KCNA5: variants seen among roughly 807,000 people sequenced by gnomAD.
KCNA5 encodes cardiac potassium channel.
A neutral mutation model predicts 26.5 loss-of-function variants in KCNA5; 22 were observed. The ratio of observed to expected loss-of-function variants is 0.83; its 90% CI spans 0.59 to 1.18. KCNA5 has a LOEUF of 1.18. Among genes scored for constraint, KCNA5 ranks in the 50% most tolerant of loss-of-function variants. The probability of loss-of-function intolerance (pLI) is 0.00; values close to 1 mark genes in which losing one functional copy is unlikely to be tolerated. For missense variants in KCNA5, 916 were observed against 843.2 expected, an observed-to-expected ratio of 1.09 and a Z score of -1.07; for synonymous variants, 465 against 372.8, an observed-to-expected ratio of 1.25 and a Z score of -2.85.
Position 5,044,824 on chromosome 12 carries a change from C to A in KCNA5, c.677C>A (p.Pro226His). The A allele has an allele frequency of 6.2e-7, 1 of 1,614,078 alleles. No individual in the cohort carries two copies. The highest frequency in any genetic ancestry group is 1.1e-5 in the South Asian group (1 of 91,078). The change falls in exon 1 of 1, where the codon CCC becomes CAC. Residue 226 changes from proline (P) to histidine (H), a missense_variant. Pro to His is a moderately conservative substitution (Grantham distance 77, BLOSUM62 -2). Transcript: ENST00000252321. ...DEGFIKEEEK[P>H]LPRNEFQRQV... ...GGCTTCATTAAAGAAGAGGAGAAGC[C>A]CCTGCCCCGCAACGAGTTCCAGCGC...
rs12720443 is a variant in KCNA5 at position 5,044,762 on chromosome 12, G to C, written c.615G>C (p.Leu205=). ...CGGACGAGATACGCTTCTACCAGCT[G>C]GGGGACGAGGCCATGGAGCGCTTCC... ...VFADEIRFYQ[L]GDEAMERFRE... is the part of the protein sequence containing the mutation. Residue 205 remains leucine (L), a synonymous_variant, in exon 1 of 1, where the codon CTG becomes CTC. Coordinates refer to ENST00000252321, the MANE Select transcript of KCNA5 (RefSeq NM_002234.4). The C allele has an allele frequency of 8.3e-4, 1,344 of 1,614,162 alleles. 10 individuals carry two copies. The African/African-American group carries it at 0.015, about 18-fold the overall frequency.
rs1316590076 is a variant in KCNA5, at chr12:5,043,910, GA to G, written c.-236del. 2 of 566,192 alleles carry G rather than the reference GA, an allele frequency of 3.5e-6. No individual in the cohort carries two copies. Among genetic ancestry groups the G allele is most frequent in the African/African-American group, 3.9e-5 (2 of 51,002 alleles). The allele number at this position is 566,192 out of a possible 1,614,324, so 35.1% of individuals were successfully genotyped here. A position where few individuals can be genotyped will look rare whatever the true frequency, so the allele number is the denominator to read the frequency against. On this transcript the variant is annotated 5_prime_UTR_variant, in exon 1 of 1. Coordinates refer to ENST00000252321, the MANE Select transcript of KCNA5 (RefSeq NM_002234.4). ...GGGCGGCTGAAGGTTGCATCTGCTG[GA>G]AGGAGGCTTTTCGGCTGCTTGGTAA...
In KCNA5 at chr12:5,044,995, G is replaced by C; in HGVS notation, c.848G>C (p.Arg283Pro). The C allele has an allele frequency of 6.2e-7, 1 of 1,612,778 alleles. No individual in the cohort carries two copies. The highest frequency in any genetic ancestry group is 2.2e-5 in the East Asian group (1 of 44,776). ...PEFRDERELL[R>P]HPPAPHQPPA... ...TTCAGGGATGAACGTGAGCTGCTCC[G>C]CCACCCTCCGGCGCCCCACCAGCCT... is the stretch of plus-strand genomic sequence containing the variant. Residue 283 changes from arginine (R) to proline (P), a missense_variant, in exon 1 of 1, where the codon CGC (arginine) becomes CCC (proline). By Grantham distance (103) the Arg-to-Pro change is moderately radical. Coordinates refer to ENST00000252321, the MANE Select transcript of KCNA5 (RefSeq NM_002234.4).
chr12:5,045,902 G>A lies in KCNA5; in HGVS notation c.1755G>A (p.Lys585=). 1.9e-6 allele frequency: 3 copies of A among 1,614,040 alleles called. No homozygotes were observed. The highest frequency in any genetic ancestry group is 2.5e-6 in the Non-Finnish European group (3 of 1,180,042). The change falls in exon 1 of 1, where the codon AAG becomes AAA. Residue 585 remains lysine (K), a synonymous_variant. Coordinates refer to ENST00000252321, the MANE Select transcript of KCNA5 (RefSeq NM_002234.4). This position sits in a 1 kb window ranked among gnomAD's most constrained non-coding sequence, Gnocchi z 5.6. The stretch of plus-strand genomic sequence containing the variant: ...GAAGGGGCAGCTGCCCCCTAGAGAA[G>A]TGTAACGTCAAGGCCAAGAGCAACG... The part of the protein sequence containing the change: ...SARRGSCPLE[K]CNVKAKSNVD...
At position 5,044,069 on chromosome 12, in the gene KCNA5, C is replaced by G; in HGVS notation, c.-79C>G. The stretch of plus-strand genomic sequence containing the variant: ...GGCCGACCGCTGGAGCGGAGCCTGA[C>G]GCCAGGCGCCCGCGGAGCGTGAGTA... On this transcript the variant is annotated 5_prime_UTR_variant, in exon 1 of 1. Coordinates refer to ENST00000252321, the MANE Select transcript of KCNA5 (RefSeq NM_002234.4). The G allele has an allele frequency of 1.3e-6, 2 of 1,489,662 alleles. No homozygotes were observed. The highest frequency in any genetic ancestry group is 2.4e-5 in the South Asian group (2 of 82,696). 92.3% of individuals were successfully genotyped at this position (1,489,662 alleles called of 1,614,324 possible).
In KCNA5 at chr12:5,045,805, A is replaced by G; in HGVS notation, c.1658A>G (p.Gln553Arg). The G allele has an allele frequency of 1.2e-6, 2 of 1,614,152 alleles. No homozygotes were observed. The highest frequency in any genetic ancestry group is 2.2e-5 in the South Asian group (2 of 91,078). ...SQGPGLDRGV[Q>R]RKVSGSRGSF... ...GGGCCGGGGCTGGACAGAGGAGTCC[A>G]GCGGAAGGTCAGCGGGAGCAGGGGA... Residue 553 changes from glutamine to arginine, a missense_variant, in exon 1 of 1, where the codon CAG (glutamine) becomes CGG (arginine). Physicochemically the swap from Gln to Arg is conservative, Grantham distance 43. Transcript: ENST00000252321. The surrounding 1 kb of genome is among the most constrained non-coding windows in gnomAD (Gnocchi z 5.6).
chr12:5,044,031 C>T lies in KCNA5; in HGVS notation c.-117C>T. The T allele has an allele frequency of 8.4e-7, 1 of 1,193,364 alleles. No individual in the cohort carries two copies. The highest frequency in any genetic ancestry group is 1.4e-5 in the South Asian group (1 of 72,466). The allele number at this position is 1,193,364 out of a possible 1,614,324, so 73.9% of individuals were successfully genotyped here. A position where few individuals can be genotyped will look rare whatever the true frequency, so the allele number is the denominator to read the frequency against. The stretch of plus-strand genomic sequence containing the variant: ...ATCGCGCCAGCAACCCCAGCTCTCC[C>T]CAGAGAGGGGCCGGCCGACCGCTGG... On this transcript the variant is annotated 5_prime_UTR_variant, in exon 1 of 1. Transcript: ENST00000252321.
chr12:5,045,883 G>A lies in KCNA5; in HGVS notation c.1736G>A (p.Gly579Asp), dbSNP rs753546444. 1 of 1,614,110 alleles carries A rather than the reference G, an allele frequency of 6.2e-7. No individual in the cohort carries two copies. The highest frequency in any genetic ancestry group is 8.5e-7 in the Non-Finnish European group (1 of 1,180,036). ...TLENADSARR[G>D]SCPLEKCNVK... The stretch of plus-strand genomic sequence containing the variant: ...GAGAATGCAGACAGTGCCCGAAGGG[G>A]CAGCTGCCCCCTAGAGAAGTGTAAC... The change falls in exon 1 of 1, where the codon GGC (glycine) becomes GAC (aspartate). Residue 579 changes from glycine (G) to aspartate (D), a missense_variant. Coordinates refer to ENST00000252321, the MANE Select transcript of KCNA5 (RefSeq NM_002234.4). This position sits in a 1 kb window ranked among gnomAD's most constrained non-coding sequence, Gnocchi z 5.6.
rs142095205 is a variant in KCNA5, at chr12:5,044,822, G to A, written c.675G>A (p.Lys225=). ...EDEGFIKEEE[K]PLPRNEFQRQ... ...AGGGCTTCATTAAAGAAGAGGAGAA[G>A]CCCCTGCCCCGCAACGAGTTCCAGC... Residue 225 remains lysine, a synonymous_variant, in exon 1 of 1, where the codon AAG becomes AAA. Transcript: ENST00000252321. The A allele has an allele frequency of 3.4e-5, 55 of 1,613,996 alleles. No individual in the cohort carries two copies. The African/African-American group carries it at 3.9e-4, about 11-fold the overall frequency.
In KCNA5 at chr12:5,044,996, C is replaced by T. The variant is rs1471192854; in HGVS notation, c.849C>T (p.Arg283=). 1.2e-6 allele frequency: 2 copies of T among 1,612,920 alleles called. No homozygotes were observed. Among genetic ancestry groups the T allele is most frequent in the African/African-American group, 1.3e-5 (1 of 74,842 alleles). ...TCAGGGATGAACGTGAGCTGCTCCG[C>T]CACCCTCCGGCGCCCCACCAGCCTC... ...PEFRDERELL[R]HPPAPHQPPA... The change falls in exon 1 of 1, where the codon CGC becomes CGT. Residue 283 remains arginine, a synonymous_variant. Transcript: ENST00000252321.
In KCNA5 at chr12:5,044,745, A is replaced by T. The variant is rs761392305; in HGVS notation, c.598A>T (p.Ile200Leu). 5.6e-6 allele frequency: 9 copies of T among 1,613,908 alleles called. No individual in the cohort carries two copies. Among genetic ancestry groups the T allele is most frequent in the Non-Finnish European group, 7.6e-6 (9 of 1,180,010 alleles). Residue 200 changes from isoleucine (I) to leucine (L), a missense_variant, in exon 1 of 1, where the codon ATA becomes TTA. Ile to Leu is a conservative substitution (Grantham distance 5). Coordinates refer to ENST00000252321, the MANE Select transcript of KCNA5 (RefSeq NM_002234.4). ...CTCCCTGGACGTGTTCGCGGACGAG[A>T]TACGCTTCTACCAGCTGGGGGACGA... Reference protein sequence around the residue: ...NVSLDVFADEIRFYQLGDEAM... With the variant: ...NVSLDVFADELRFYQLGDEAM...
In KCNA5 at chr12:5,045,654, G is replaced by A. The variant is rs140711603; in HGVS notation, c.1507G>A (p.Ala503Thr). ...GKIVGSLCAI[A>T]GVLTIALPVP... ...GATCGTGGGCTCGCTGTGTGCCATC[G>A]CCGGGGTCCTCACCATTGCCCTGCC... is the stretch of plus-strand genomic sequence containing the variant. The change falls in exon 1 of 1, where the codon GCC (alanine) becomes ACC (threonine). Residue 503 changes from alanine to threonine, a missense_variant. Physicochemically the swap from Ala to Thr is moderately conservative, Grantham distance 58 (BLOSUM62 0). Coordinates refer to ENST00000252321, the MANE Select transcript of KCNA5 (RefSeq NM_002234.4). This position sits in a 1 kb window ranked among gnomAD's most constrained non-coding sequence, Gnocchi z 5.6. 35 of 1,614,054 alleles carry A rather than the reference G, an allele frequency of 2.2e-5. 2 individuals are homozygous for A. The highest frequency in any genetic ancestry group is 8.8e-5 in the South Asian group (8 of 91,074).
Position 5,044,462 on chromosome 12 carries a change from C to T in KCNA5, c.315C>T (p.Gly105=), listed in dbSNP as rs769368607. The change falls in exon 1 of 1, where the codon GGC becomes GGT. Residue 105 remains glycine (G), a synonymous_variant. Transcript: ENST00000252321. ...DEEEEGDPGL[G]TVEDQALGTA... ...AGGAAGAAGGCGATCCCGGCCTGGG[C>T]ACGGTGGAGGACCAGGCTCTGGGCA... 1 of 1,611,412 alleles carries T rather than the reference C, an allele frequency of 6.2e-7. No homozygotes were observed. The highest frequency in any genetic ancestry group is 1.1e-5 in the South Asian group (1 of 90,940).
rs752478454 is a variant in KCNA5 at position 5,044,666 on chromosome 12, C to T, written c.519C>T (p.Asp173=). 1.2e-6 allele frequency: 2 copies of T among 1,614,174 alleles called. No homozygotes were observed. The highest frequency in any genetic ancestry group is 1.7e-6 in the Non-Finnish European group (2 of 1,180,046). The change falls in exon 1 of 1, where the codon GAC becomes GAT. Residue 173 remains aspartate, a synonymous_variant. Transcript: ENST00000252321. ...TCGACCGCAACCGGCCCAGCTTCGA[C>T]GGTATCCTCTACTACTACCAGTCCG... ...YFFDRNRPSF[D]GILYYYQSGG...
Position 5,044,471 on chromosome 12 carries a change from G to GGACCAGGCTCTGGGCACGGCGTCC in KCNA5, c.325_348dup (p.Asp109_Ser116dup), listed in dbSNP as rs1565465166. The GGACCAGGCTCTGGGCACGGCGTCC allele has an allele frequency of 1.7e-5, 28 of 1,611,872 alleles. No homozygotes were observed. The highest frequency in any genetic ancestry group is 2.2e-5 in the Non-Finnish European group (26 of 1,179,268). The stretch of plus-strand genomic sequence containing the variant: ...GCGATCCCGGCCTGGGCACGGTGGA[G>GGACCAGGCTCTGGGCACGGCGTCC]GACCAGGCTCTGGGCACGGCGTCCC... On this transcript the variant is annotated inframe_insertion, in exon 1 of 1. Coordinates refer to ENST00000252321, the MANE Select transcript of KCNA5 (RefSeq NM_002234.4).
Position 5,045,388 on chromosome 12 carries a change from C to G in KCNA5, c.1241C>G (p.Ser414Cys). The G allele has an allele frequency of 6.2e-7, 1 of 1,613,928 alleles. No homozygotes were observed. Among genetic ancestry groups the G allele is most frequent in the East Asian group, 2.2e-5 (1 of 44,860 alleles). ...LVRVFRIFKL[S>C]RHSKGLQILG... is the part of the protein sequence containing the mutation. ...CGGGTGTTCCGCATCTTCAAGCTCT[C>G]CCGCCACTCCAAGGGGCTGCAGATC... The change falls in exon 1 of 1, where the codon TCC (serine) becomes TGC (cysteine). Residue 414 changes from serine (S) to cysteine (C), a missense_variant. Ser to Cys is a moderately radical substitution (Grantham distance 112, BLOSUM62 -1). Transcript: ENST00000252321. The surrounding 1 kb of genome is among the most constrained non-coding windows in gnomAD (Gnocchi z 5.6).
rs755561426 is a variant in KCNA5, at chr12:5,045,326, C to G, written c.1179C>G (p.Ala393=). 1.2e-6 allele frequency: 2 copies of G among 1,614,072 alleles called. No homozygotes were observed. The highest frequency in any genetic ancestry group is 2.2e-5 in the South Asian group (2 of 91,074). Residue 393 remains alanine (A), a synonymous_variant, in exon 1 of 1, where the codon GCC becomes GCG. Transcript: ENST00000252321. This position sits in a 1 kb window ranked among gnomAD's most constrained non-coding sequence, Gnocchi z 5.6. ...GGGGGQNGQQ[A]MSLAILRVIR... ...GAGGCGGCCAGAATGGGCAGCAGGC[C>G]ATGTCCCTGGCCATCCTCCGAGTCA...
chr12:5,046,719 A>G lies in KCNA5; in HGVS notation c.*730A>G, dbSNP rs1339873204. ...TCAAAAAGCATTTTAATGATATTGG[A>G]GGAATACTTCTGATAATTTATTGTC... On this transcript the variant is annotated 3_prime_UTR_variant, in exon 1 of 1. Transcript: ENST00000252321. 1.8e-5 allele frequency: 3 copies of G among 165,084 alleles called. No individual in the cohort carries two copies. Among genetic ancestry groups the G allele is most frequent in the African/African-American group, 7.2e-5 (3 of 41,468 alleles). 10.2% of individuals were successfully genotyped at this position (165,084 alleles called of 1,614,324 possible). A position where few individuals can be genotyped will look rare whatever the true frequency, so the allele number is the denominator to read the frequency against.
chr12:5,045,488 C>T lies in KCNA5; in HGVS notation c.1341C>T (p.Leu447=). Residue 447 remains leucine, a synonymous_variant, in exon 1 of 1, where the codon CTC becomes CTT. Transcript: ENST00000252321. This position sits in a 1 kb window ranked among gnomAD's most constrained non-coding sequence, Gnocchi z 5.6. ...TCTTCCTCTTCATCGGGGTCATCCT[C>T]TTCTCCAGTGCCGTCTACTTCGCAG... The part of the protein sequence containing the change: ...LIFFLFIGVI[L]FSSAVYFAEA... 6.2e-7 allele frequency: 1 copy of T among 1,614,240 alleles called. No individual in the cohort carries two copies. The highest frequency in any genetic ancestry group is 8.5e-7 in the Non-Finnish European group (1 of 1,180,044).
Sources: gnomAD v4.1 joint callset for allele counts on GRCh38, gnomAD v4.1.1 for gene constraint, Gnocchi (gnomAD v3.1) non-coding constraint, MANE v1.5 for transcripts, NCBI Gene and HGNC (gene_info 2026-07-23, HGNC 2026-07-21) for gene names.